REPS1: variants seen among roughly 807,000 people sequenced by gnomAD.
REPS1 encodes RALBP1 associated Eps domain containing 1, also known as ralBP1-associated Eps domain-containing protein 1.
In REPS1, 39 loss-of-function variants were observed where a neutral mutation model predicts 100.9. The observed-to-expected ratio is 0.39, with a 90% CI of 0.30 to 0.50. The LOEUF (loss-of-function observed/expected upper bound fraction) is 0.50. Ranked by LOEUF, REPS1 falls within the 20% of genes least tolerant of loss-of-function variation. The probability of loss-of-function intolerance (pLI) is 0.86; values close to 1 mark genes in which losing one functional copy is unlikely to be tolerated. For synonymous variants in REPS1, 324 were observed against 340.3 expected (o/e 0.95, Z 0.53); for missense variants, 821 against 968.5 (o/e 0.85, Z 2.02).
At chr6:138,982,092 A>G (rs1784988319) in intron 1 of REPS1, among the ~76,000 whole-genome samples, 1 of 152,230 alleles carries the variant, frequency 6.6e-6, no homozygotes, top group Non-Finnish European at 1.5e-5. Context: ...GTTTATTACA[A>G]TTATTTTAGT....
At chr6:138,918,988 C>A (rs927743726) in intron 12 of REPS1, among the ~76,000 whole-genome samples, 1 of 152,108 alleles carries the variant, frequency 6.6e-6, no homozygotes, top group African/African-American at 2.4e-5. Flanking sequence ...TCTTGTAAAT[C>A]ACAGAATCAT....
intron 1 of REPS1, among the ~76,000 whole-genome samples, chr6:138,963,179 T>C (rs1783834789): frequency 6.6e-6 from 1 of 152,160 alleles, no homozygotes; most frequent in African/African-American, 2.4e-5. Context: ...TCATTCATGA[T>C]ACATCTTAAG....
chr6:138,914,220 C>A (rs1335865571), intron 15 of REPS1, among the ~76,000 whole-genome samples: 2 of 151,392 alleles, frequency 1.3e-5, no homozygotes, highest in Non-Finnish European at 2.9e-5. Context: ...CAGGTGCACA[C>A]CACCACACCC....
rs765922010 is a variant in REPS1, at chr6:138,914,775, A to G, written c.1721-14T>C. Reference sequence around the variant, plus strand: ...CCTGTTGTTGTCCTGCATGAATACAAAAGTTCTTCTTTTTAGTAACTGTAT... The same window carrying G: ...CCTGTTGTTGTCCTGCATGAATACAGAAGTTCTTCTTTTTAGTAACTGTAT... On this transcript the variant is annotated splice_polypyrimidine_tract_variant and intron_variant, in intron 14 of 19. Transcript: ENST00000450536. The G allele has an allele frequency of 2.5e-6, 4 of 1,607,404 alleles. No individual in the cohort carries two copies. The highest frequency in any genetic ancestry group is 1.3e-5 in the African/African-American group (1 of 74,638).
intron 1 of REPS1, among the ~76,000 whole-genome samples, chr6:138,958,945 A>C (rs1389383162): frequency 6.6e-6 from 1 of 152,236 alleles, no homozygotes; most frequent in African/African-American, 2.4e-5. Flanking sequence ...TTTTACTTCC[A>C]GATATAATGG....
intron 7 of REPS1, 67 bp downstream of exon 7, chr6:138,943,445 TA>T: frequency 1.0e-6 from 1 of 971,378 alleles, no homozygotes; most frequent in Non-Finnish European, 1.6e-6. Flanking sequence ...TTTAAGGCTC[TA>T]AAATCTATCT....
At chr6:138,983,974 G>A (rs1376838048) in intron 1 of REPS1, among the ~76,000 whole-genome samples, 1 of 151,964 alleles carries the variant, frequency 6.6e-6, no homozygotes, top group African/African-American at 2.4e-5. Context: ...TGTGAGTGGT[G>A]TCCAAAGAAT....
intron 8 of REPS1, among the ~76,000 whole-genome samples, chr6:138,932,546 T>C (rs1306143911): frequency 6.6e-6 from 1 of 151,868 alleles, no homozygotes; most frequent in Non-Finnish European, 1.5e-5. Flanking sequence ...TACAAATTAA[T>C]TTTATTAAAT....
chr6:138,916,044 T>A, intron 13 of REPS1, 68 bp from the exon 14 acceptor site: 1 of 1,096,812 alleles, frequency 9.1e-7, no homozygotes, highest in Non-Finnish European at 1.4e-6. Flanking sequence ...TTTAAACATT[T>A]ACACTTGGCT....
At chr6:138,941,529 TTTGGATCCTTTTATTTC>T in intron 7 of REPS1, 40 bp from the exon 8 acceptor site, 4 of 1,555,818 alleles carry the variant, frequency 2.6e-6, no homozygotes, top group Non-Finnish European at 3.5e-6. Context: ...CACATTCCGC[TTTGGATCCTTTTATTTC>T]TCAAAAAGAA....
chr6:138,912,673 A>T, intron 16 of REPS1, 92 bp downstream of exon 16: 1 of 1,190,908 alleles, frequency 8.4e-7, no homozygotes, highest in Non-Finnish European at 1.3e-6. Context: ...TATTTTACTC[A>T]CTGATGTCCC....
At chr6:138,912,263 G>C (rs998491858) in intron 16 of REPS1, among the ~76,000 whole-genome samples, 2 of 152,028 alleles carry the variant, frequency 1.3e-5, no homozygotes, top group Non-Finnish European at 2.9e-5. Flanking sequence ...ATTAAATTTT[G>C]GTATCCTATA....
chr6:138,987,935 G>A lies in REPS1; in HGVS notation c.-253C>T, dbSNP rs1785376554. 3.1e-6 allele frequency: 1 copy of A among 324,614 alleles called. No homozygotes were observed. 20.1% of individuals were successfully genotyped at this position (324,614 alleles called of 1,614,324 possible). ...GGCTGCGGCTGCGGCTGCGACTACG[G>A]CTCCGGCTCCGGCTCCGGCTCCGGC... On this transcript the variant is annotated 5_prime_UTR_variant, in exon 1 of 20. Transcript: ENST00000450536.
At chr6:138,937,312 AC>A (rs1298863339) in intron 8 of REPS1, among the ~76,000 whole-genome samples, 3 of 152,234 alleles carry the variant, frequency 2.0e-5, no homozygotes, top group African/African-American at 7.2e-5. Context: ...TAAGAAAAAA[AC>A]AATGAAGGAT....
intron 9 of REPS1, chr6:138,928,686 A>G (rs1030212858): frequency 4.6e-5 from 7 of 152,188 alleles, no homozygotes; most frequent in African/African-American, 1.7e-4. Context: ...CTTTAGAAAG[A>G]ATGTTTTTAT....
Position 138,943,527 on chromosome 6 carries a change from T to C in REPS1, c.966A>G (p.Glu322=), listed in dbSNP as rs751709212. 1.3e-6 allele frequency: 2 copies of C among 1,587,876 alleles called. No individual in the cohort carries two copies. Among genetic ancestry groups the C allele is most frequent in the Non-Finnish European group, 1.7e-6 (2 of 1,157,672 alleles). The change falls in exon 7 of 20, where the codon GAA becomes GAG. Residue 322 remains glutamate, a synonymous_variant. Transcript: ENST00000450536. ...ACCACACTTACCAAATATGAGAAAGTTCAAGAATAGGAAGTTTTGATTTTG... is the reference window on the plus strand; with the variant it reads ...ACCACACTTACCAAATATGAGAAAGCTCAAGAATAGGAAGTTTTGATTTTG... ...FFTKSKLPIL[E]LSHIWELSDF...
At chr6:138,944,682 T>TTTTC in intron 4 of REPS1, 60 bp from the exon 5 acceptor site, 1 of 1,533,110 alleles carries the variant, frequency 6.5e-7, no homozygotes, top group Non-Finnish European at 8.9e-7. Context: ...TACTAGGAAG[T>TTTTC]TTTCTTTCCA....
At chr6:138,927,390 GA>G (rs1391023134) in intron 9 of REPS1, 2 of 152,076 alleles carry the variant, frequency 1.3e-5, no homozygotes, top group Non-Finnish European at 2.9e-5. Context: ...AAATGGTATA[GA>G]ATTTTTACAT....
chr6:138,966,845 C>T (rs1784053023), intron 1 of REPS1, among the ~76,000 whole-genome samples: 3 of 152,196 alleles, frequency 2.0e-5, no homozygotes, highest in Admixed American at 2.0e-4. Flanking sequence ...TATCATTTCT[C>T]TGAATGCAAA....
Sources: allele counts gnomAD v4.1 joint callset (sites outside exome capture counted in the v4.1 genomes callset), GRCh38; gene constraint gnomAD v4.1.1; transcripts MANE v1.5; gene names NCBI Gene and HGNC (gene_info 2026-07-23, HGNC 2026-07-21).